Variants in HEXB observed in about 807,000 individuals in gnomAD.
The protein encoded by HEXB is beta-hexosaminidase subunit beta.
A neutral mutation model predicts 71.2 loss-of-function variants in HEXB; 51 were observed. The ratio of observed to expected loss-of-function variants is 0.72; its 90% CI spans 0.57 to 0.90. The LOEUF (loss-of-function observed/expected upper bound fraction) is 0.90. HEXB is among the 40% of genes least tolerant of loss of function. The pLI, the probability that HEXB is intolerant of heterozygous loss-of-function variation, is 0.00. For missense variants in HEXB, 617 were observed against 677.0 expected, an observed-to-expected ratio of 0.91 and a Z score of 0.98; for synonymous variants, 266 against 249.3, an observed-to-expected ratio of 1.07 and a Z score of -0.63.
chr5:74,651,344 C>T (rs1393569077), intron 1 of HEXB, among the ~76,000 whole-genome samples: 1 of 152,212 alleles, frequency 6.6e-6, no homozygotes, highest in African/African-American at 2.4e-5. Flanking sequence ...AGTAATGTAA[C>T]TATTTATAGC....
At position 74,699,617 on chromosome 5, in the gene HEXB, C is replaced by T. The variant is rs115484660; in HGVS notation, c.669+2511C>T. On this transcript the variant is annotated intron_variant, in intron 5 of 13. Transcript: ENST00000261416. ...AGTTGAATATTTCATTTTATTTAGT[C>T]TCATGCTGATGGACATCTAAGTTAA... Among the ~76,000 whole-genome samples, 302 of 152,202 alleles carry T rather than the reference C, an allele frequency of 2.0e-3. 1 individual carries two copies. The highest frequency in any genetic ancestry group is 7.0e-3 in the African/African-American group (290 of 41,526).
intron 2 of HEXB, among the ~76,000 whole-genome samples, chr5:74,692,393 A>G (rs1432541472): frequency 1.3e-5 from 2 of 151,734 alleles, no homozygotes; most frequent in Non-Finnish European, 2.9e-5. Flanking sequence ...ACATGCCTAC[A>G]GTCCCAGCTA....
intron 1 of HEXB, among the ~76,000 whole-genome samples, chr5:74,649,640 G>A (rs116589383): frequency 1.5e-4 from 23 of 152,130 alleles, no homozygotes; most frequent in Non-Finnish European, 3.1e-4. Context: ...GATTTTCTTG[G>A]TTTACTTTGC....
rs755394420 is a variant in HEXB, at chr5:74,713,456, G to A, written c.772-50G>A. The A allele has an allele frequency of 6.9e-6, 11 of 1,583,242 alleles. No homozygotes were observed. The South Asian group carries it at 8.9e-5, about 13-fold the overall frequency. The stretch of plus-strand genomic sequence containing the variant: ...AAGCACAATTGTTAACAATTTCCAG[G>A]ATCAAATCTACGTTGTACATTTTAA... On this transcript the variant is annotated intron_variant, in intron 6 of 13. Coordinates refer to ENST00000261416, the MANE Select transcript of HEXB (RefSeq NM_000521.4).
intron 2 of HEXB, 121 bp from the exon 3 acceptor site, chr5:74,693,518 T>C (rs1024606483): frequency 2.5e-5 from 19 of 774,382 alleles, no homozygotes; most frequent in Non-Finnish European, 3.9e-5. Flanking sequence ...GTTAGAGAAA[T>C]AGGTCATGTG....
chr5:74,710,525 A>C lies in HEXB; in HGVS notation c.772-2981A>C, dbSNP rs1037020341. Reference sequence around the variant, plus strand: ...CCCTGTTTGCAGATGACATGATTGTATATCTAGAAAACCCCATTGTCTCAG... The same window carrying C: ...CCCTGTTTGCAGATGACATGATTGTCTATCTAGAAAACCCCATTGTCTCAG... On this transcript the variant is annotated intron_variant, in intron 6 of 13. Coordinates refer to ENST00000261416, the MANE Select transcript of HEXB (RefSeq NM_000521.4). Among the ~76,000 whole-genome samples the C allele has an allele frequency of 2.3e-3, 349 of 152,258 alleles. 2 individuals are homozygous for C. Among genetic ancestry groups the C allele is most frequent in the Non-Finnish European group, 3.9e-3 (266 of 68,006 alleles).
At chr5:74,699,563 C>T (rs1210851060) in intron 5 of HEXB, among the ~76,000 whole-genome samples, 1 of 152,162 alleles carries the variant, frequency 6.6e-6, no homozygotes, top group Non-Finnish European at 1.5e-5. Context: ...ATGTGAGCCA[C>T]CACACCTGGC....
chr5:74,719,073 T>G, intron 11 of HEXB, 102 bp downstream of exon 11: 1 of 1,075,720 alleles, frequency 9.3e-7, no homozygotes, highest in South Asian at 1.3e-5. Context: ...TTCCCTAACC[T>G]CCCACCCCAG....
intron 1 of HEXB, among the ~76,000 whole-genome samples, chr5:74,663,106 C>G (rs1463017371): frequency 6.6e-6 from 1 of 152,100 alleles, no homozygotes; most frequent in African/African-American, 2.4e-5. Context: ...AACGAAGACC[C>G]AAGAACGCAT....
intron 1 of HEXB, among the ~76,000 whole-genome samples, chr5:74,662,930 A>G (rs897094290): frequency 6.6e-6 from 1 of 152,206 alleles, no homozygotes; most frequent in Non-Finnish European, 1.5e-5. Flanking sequence ...CTAAGTGAGG[A>G]ATCCAACTCA....
At chr5:74,673,731 A>G (rs1748581532) in intron 1 of HEXB, among the ~76,000 whole-genome samples, 1 of 152,158 alleles carries the variant, frequency 6.6e-6, no homozygotes, top group African/African-American at 2.4e-5. Flanking sequence ...TGCTGTGTAG[A>G]CTGGAGCTGA....
intron 3 of HEXB, among the ~76,000 whole-genome samples, chr5:74,695,925 CCA>C (rs1561217863): frequency 6.6e-6 from 1 of 151,804 alleles, no homozygotes; most frequent in East Asian, 1.9e-4. Context: ...TTTCTGTTTA[CCA>C]TCAGACTTTC....
At chr5:74,656,251 C>T (rs780297691) in intron 1 of HEXB, among the ~76,000 whole-genome samples, 57 of 152,018 alleles carry the variant, frequency 3.7e-4, no homozygotes, top group Non-Finnish European at 3.4e-4. Context: ...AGGTCAGCAG[C>T]GTGGATCACT....
At chr5:74,720,154 A>AT (rs1232708102) in intron 11 of HEXB, 9 of 464,332 alleles carry the variant, frequency 1.9e-5, no homozygotes, top group Non-Finnish European at 3.2e-5. Context: ...AAACTGTTTA[A>AT]TACTGGCCCA....
At chr5:74,698,530 T>C (rs1196421382) in intron 5 of HEXB, among the ~76,000 whole-genome samples, 1 of 151,982 alleles carries the variant, frequency 6.6e-6, no homozygotes, top group Non-Finnish European at 1.5e-5. Context: ...TAGCTGGGAT[T>C]ACAGGTGCAC....
chr5:74,649,057 A>G (rs1161009262), intron 1 of HEXB, among the ~76,000 whole-genome samples: 1 of 152,202 alleles, frequency 6.6e-6, no homozygotes, highest in Admixed American at 6.5e-5. Context: ...AAAAGAAAAC[A>G]ATGAACATTG....
intron 1 of HEXB, among the ~76,000 whole-genome samples, chr5:74,666,820 A>G (rs1244159591): frequency 6.6e-6 from 1 of 152,124 alleles, no homozygotes; most frequent in Non-Finnish European, 1.5e-5. Flanking sequence ...GAACACACAC[A>G]CACATATAGA....
At chr5:74,710,068 A>C (rs1246013992) in intron 6 of HEXB, among the ~76,000 whole-genome samples, 2 of 152,184 alleles carry the variant, frequency 1.3e-5, no homozygotes, top group Non-Finnish European at 2.9e-5. Flanking sequence ...ATCCAGCAGC[A>C]CATCAAAAAG....
At chr5:74,700,596 CTTATAT>C (rs1300580781) in intron 5 of HEXB, among the ~76,000 whole-genome samples, 5 of 152,004 alleles carry the variant, frequency 3.3e-5, no homozygotes, top group Non-Finnish European at 7.4e-5. Context: ...CATACTCCAC[CTTATAT>C]TTATATTATA....
Sources: allele counts gnomAD v4.1 joint callset (sites outside exome capture counted in the v4.1 genomes callset), GRCh38; gene constraint gnomAD v4.1.1; transcripts MANE v1.5; gene names NCBI Gene and HGNC (gene_info 2026-07-23, HGNC 2026-07-21).